Variants in DIAPH3 observed in about 807,000 individuals in gnomAD.
DIAPH3 encodes the protein protein diaphanous homolog 3.
Under a neutral mutation model 144.3 loss-of-function variants are expected in DIAPH3, and 117 were observed. The ratio of observed to expected loss-of-function variants is 0.81; its 90% CI spans 0.70 to 0.95. The LOEUF is 0.95. Among genes scored for constraint, DIAPH3 ranks in the 40% least tolerant of loss-of-function variants. The pLI is 0.00. For missense variants in DIAPH3, 1,421 were observed against 1,412.7 expected (o/e 1.01, Z -0.09); for synonymous variants, 519 against 488.9 (o/e 1.06, Z -0.81).
At chr13:59,974,818 T>C (rs1018282565) in intron 14 of DIAPH3, among the ~76,000 whole-genome samples, 3 of 152,078 alleles carry the variant, frequency 2.0e-5, no homozygotes, top group Non-Finnish European at 2.9e-5. Flanking sequence ...ACAAATTCCT[T>C]GCATCTTCCA....
chr13:60,048,078 G>A (rs539519787), intron 4 of DIAPH3, among the ~76,000 whole-genome samples: 2 of 152,296 alleles, frequency 1.3e-5, no homozygotes, highest in Non-Finnish European at 2.9e-5. Flanking sequence ...CACATGCAGT[G>A]GATTGCATCA....
At chr13:60,028,240 C>T (rs775912222) in intron 5 of DIAPH3, among the ~76,000 whole-genome samples, 1 of 152,080 alleles carries the variant, frequency 6.6e-6, no homozygotes, top group Non-Finnish European at 1.5e-5. Flanking sequence ...CAAAAAATTT[C>T]ATCACAAGCA....
chr13:60,055,544 A>C (rs1418173285), intron 4 of DIAPH3, among the ~76,000 whole-genome samples: 1 of 151,924 alleles, frequency 6.6e-6, no homozygotes, highest in Non-Finnish European at 1.5e-5. Context: ...ATAACAGTCT[A>C]ATGTTTCTCC....
At chr13:59,991,564 G>A (rs1168763501) in intron 11 of DIAPH3, among the ~76,000 whole-genome samples, 1 of 151,932 alleles carries the variant, frequency 6.6e-6, no homozygotes, top group Non-Finnish European at 1.5e-5. Flanking sequence ...TGAATACTGT[G>A]TTGAATTCTA....
At position 60,055,764 on chromosome 13, in the gene DIAPH3, T is replaced by A. The variant is rs183259672; in HGVS notation, c.496-12944A>T. On this transcript the variant is annotated intron_variant, in intron 4 of 27. Transcript: ENST00000400324. ...AAAAATACACATATCTCTTCATTTG[T>A]GCAAAAAGACACAGGAAGGAATAAG... Among the ~76,000 whole-genome samples, 7 of 152,054 alleles carry A rather than the reference T, an allele frequency of 4.6e-5. No individual in the cohort carries two copies. In the East Asian group the frequency reaches 1.3e-3, roughly 29 times the overall value.
intron 27 of DIAPH3, among the ~76,000 whole-genome samples, chr13:59,701,059 TA>T (rs2138750767): frequency 6.6e-6 from 1 of 152,296 alleles, no homozygotes; most frequent in African/African-American, 2.4e-5. Flanking sequence ...TGTATGTATA[TA>T]TACATTGCAT....
chr13:60,077,488 A>G (rs1434500193), intron 4 of DIAPH3, among the ~76,000 whole-genome samples: 1 of 152,166 alleles, frequency 6.6e-6, no homozygotes. Flanking sequence ...AGTTGCACCA[A>G]TATCAGAATA....
At chr13:59,763,084 G>T (rs75019636) in intron 27 of DIAPH3, among the ~76,000 whole-genome samples, 86 of 152,092 alleles carry the variant, frequency 5.7e-4, no homozygotes, top group African/African-American at 2.0e-3. Flanking sequence ...GCAAAAAATA[G>T]ACAAAACAAT....
At chr13:59,828,501 C>T (rs1593579864) in intron 24 of DIAPH3, among the ~76,000 whole-genome samples, 1 of 151,746 alleles carries the variant, frequency 6.6e-6, no homozygotes, top group Non-Finnish European at 1.5e-5. Context: ...GTACCTGAAG[C>T]TGTTAAAGAA....
At chr13:59,788,777 C>T (rs893455080) in intron 25 of DIAPH3, among the ~76,000 whole-genome samples, 15 of 152,242 alleles carry the variant, frequency 9.9e-5, no homozygotes, top group Middle Eastern at 3.4e-3. Context: ...ATGAGGACAT[C>T]GAATGAAGAC....
intron 22 of DIAPH3, among the ~76,000 whole-genome samples, chr13:59,852,539 C>T (rs189327472): frequency 6.6e-6 from 1 of 152,112 alleles, no homozygotes; most frequent in African/African-American, 2.4e-5. Flanking sequence ...TACAAAATAA[C>T]GTGTTGCAGG....
At chr13:60,004,285 G>A (rs1245690846) in intron 9 of DIAPH3, among the ~76,000 whole-genome samples, 1 of 152,084 alleles carries the variant, frequency 6.6e-6, no homozygotes, top group Admixed American at 6.5e-5. Flanking sequence ...TAGTTTTATA[G>A]GAAAATTGAT....
chr13:60,068,032 A>G (rs1198508180), intron 4 of DIAPH3, among the ~76,000 whole-genome samples: 5 of 152,156 alleles, frequency 3.3e-5, no homozygotes, highest in Non-Finnish European at 7.3e-5. Flanking sequence ...GAAATTCCTC[A>G]AGTTATCTGG....
At chr13:60,070,626 T>C (rs2057170889) in intron 4 of DIAPH3, among the ~76,000 whole-genome samples, 1 of 152,068 alleles carries the variant, frequency 6.6e-6, no homozygotes, top group Non-Finnish European at 1.5e-5. Context: ...CCCCTTCCCT[T>C]CCAGATATTC....
At chr13:59,917,022 C>T (rs1416132131) in intron 18 of DIAPH3, among the ~76,000 whole-genome samples, 3 of 152,092 alleles carry the variant, frequency 2.0e-5, no homozygotes, top group Non-Finnish European at 2.9e-5. Flanking sequence ...CCTTATTGTA[C>T]TATTATGTTT....
At chr13:59,749,020 C>A (rs2036845211) in intron 27 of DIAPH3, among the ~76,000 whole-genome samples, 1 of 151,712 alleles carries the variant, frequency 6.6e-6, no homozygotes, top group South Asian at 2.1e-4. Context: ...TCGAGACCAG[C>A]CTGGCCAACA....
At chr13:60,021,524 T>G (rs2054019693) in intron 5 of DIAPH3, among the ~76,000 whole-genome samples, 3 of 151,980 alleles carry the variant, frequency 2.0e-5, no homozygotes, top group Non-Finnish European at 4.4e-5. Flanking sequence ...CTTGGGAGGC[T>G]GAGGCAGGAG....
intron 21 of DIAPH3, among the ~76,000 whole-genome samples, chr13:59,867,309 A>G (rs968877096): frequency 7.3e-5 from 11 of 151,318 alleles, no homozygotes; most frequent in African/African-American, 2.7e-4. Context: ...AAAAAACAAC[A>G]AAACAAAACA....
rs143043736 is a variant in DIAPH3 at position 59,991,981 on chromosome 13, A to C, written c.1244+87T>G. On this transcript the variant is annotated intron_variant, in intron 11 of 27. Coordinates refer to ENST00000400324, the MANE Select transcript of DIAPH3 (RefSeq NM_001042517.2). ...GTTTGATTTCATGTTGTTTATATAG[A>C]AATGAGCTAAATATTTGTGGCTGAG... is the stretch of plus-strand genomic sequence containing the variant. The C allele has an allele frequency of 1.0e-3, 1,025 of 1,026,264 alleles. 6 individuals carry two copies. The African/African-American group carries it at 0.014, about 14-fold the overall frequency. 63.6% of individuals were successfully genotyped at this position (1,026,264 alleles called of 1,614,324 possible).
Sources: allele counts gnomAD v4.1 joint callset (sites outside exome capture counted in the v4.1 genomes callset), GRCh38; gene constraint gnomAD v4.1.1; transcripts MANE v1.5; gene names NCBI Gene and HGNC (gene_info 2026-07-23, HGNC 2026-07-21).